DLGAP2: variants seen among roughly 807,000 people sequenced by gnomAD.
The protein encoded by DLGAP2 is disks large-associated protein 2.
DLGAP2 carries 26 observed loss-of-function variants against 100.3 expected under a neutral mutation model. That is an observed-to-expected ratio of 0.26 (90% CI 0.19 to 0.36). DLGAP2 has a LOEUF of 0.36. DLGAP2 is among the 10% of genes least tolerant of loss of function. The probability of loss-of-function intolerance (pLI) is 1.00; values close to 1 mark genes in which losing one functional copy is unlikely to be tolerated. For missense variants in DLGAP2, 1,858 were observed against 1,453.2 expected (o/e 1.28, Z -4.53); for synonymous variants, 886 against 630.1 (o/e 1.41, Z -6.08).
intron 1 of DLGAP2, among the ~76,000 whole-genome samples, chr8:818,521 C>T (rs1169296884): frequency 6.6e-6 from 1 of 152,208 alleles, no homozygotes; most frequent in African/African-American, 2.4e-5. Flanking sequence ...TTCCAAGGGT[C>T]TGTGGATTCT....
chr8:1,611,013 G>A (rs955867281), intron 6 of DLGAP2, among the ~76,000 whole-genome samples: 10 of 137,234 alleles, frequency 7.3e-5, no homozygotes, highest in Non-Finnish European at 1.4e-4. Context: ...AATAGAAAAA[G>A]AGGAAATCCT....
intron 1 of DLGAP2, among the ~76,000 whole-genome samples, chr8:746,948 T>G (rs1820631454): frequency 6.6e-6 from 1 of 152,120 alleles, no homozygotes; most frequent in Admixed American, 6.5e-5. Flanking sequence ...ACCTTTGCAG[T>G]AAGGAAACCT....
chr8:787,187 C>T (rs1821889622), intron 1 of DLGAP2, among the ~76,000 whole-genome samples: 2 of 152,216 alleles, frequency 1.3e-5, no homozygotes, highest in African/African-American at 4.8e-5. Context: ...CCAGCCTCAG[C>T]TGGTCCTTCC....
intron 4 of DLGAP2, 77 bp downstream of exon 4, chr8:1,501,508 G>A (rs1308011379): frequency 7.2e-6 from 10 of 1,383,850 alleles, no homozygotes; most frequent in African/African-American, 1.4e-5. Context: ...CCCATCATGC[G>A]GACCGTCCCA....
At chr8:1,256,828 C>T (rs761138340) in intron 2 of DLGAP2, among the ~76,000 whole-genome samples, 38 of 152,100 alleles carry the variant, frequency 2.5e-4, no homozygotes, top group Admixed American at 2.1e-3. Flanking sequence ...TGGGATGGCC[C>T]GAGTCTGAGC....
At chr8:1,155,984 C>T (rs1288273480) in intron 2 of DLGAP2, among the ~76,000 whole-genome samples, 1 of 152,062 alleles carries the variant, frequency 6.6e-6, no homozygotes, top group Non-Finnish European at 1.5e-5. Context: ...TGACGGAGTC[C>T]CCGTCGCAGA....
At chr8:947,639 G>A (rs994654017) in intron 2 of DLGAP2, among the ~76,000 whole-genome samples, 2 of 152,144 alleles carry the variant, frequency 1.3e-5, no homozygotes, top group Non-Finnish European at 2.9e-5. Context: ...CCACCTCCAC[G>A]CGCGGCGCTG....
intron 2 of DLGAP2, among the ~76,000 whole-genome samples, chr8:1,017,709 G>T (rs1801506923): frequency 6.6e-6 from 1 of 152,236 alleles, no homozygotes; most frequent in Non-Finnish European, 1.5e-5. Flanking sequence ...TCCATACCCA[G>T]GGCTGTAGAA....
Position 1,063,829 on chromosome 8 carries a change from G to A in DLGAP2, c.73+155863G>A, listed in dbSNP as rs140753385. Among the ~76,000 whole-genome samples the A allele has an allele frequency of 3.4e-3, 520 of 152,246 alleles. 2 individuals carry two copies. Among genetic ancestry groups the A allele is most frequent in the African/African-American group, 0.012 (499 of 41,560 alleles). On this transcript the variant is annotated intron_variant, in intron 2 of 14. Transcript: ENST00000637795. ...CCCAGAGCTCGGTGCCTCTCCACAC[G>A]GAGGTTTAGTGTTAAAATGGTGTCT...
At chr8:1,156,666 G>T (rs1304506295) in intron 2 of DLGAP2, among the ~76,000 whole-genome samples, 1 of 151,680 alleles carries the variant, frequency 6.6e-6, no homozygotes, top group African/African-American at 2.4e-5. Flanking sequence ...CAGCGCCCCA[G>T]CTTAGCGTCC....
At chr8:931,353 C>T (rs1051608642) in intron 2 of DLGAP2, among the ~76,000 whole-genome samples, 4 of 152,190 alleles carry the variant, frequency 2.6e-5, no homozygotes, top group Non-Finnish European at 4.4e-5. Context: ...GCGTTTCACG[C>T]GAGGGTGAGA....
At chr8:1,245,261 A>G (rs1183964309) in intron 2 of DLGAP2, among the ~76,000 whole-genome samples, 4 of 152,212 alleles carry the variant, frequency 2.6e-5, no homozygotes. Context: ...GAGAAATGAA[A>G]CATATGTCCA....
intron 1 of DLGAP2, among the ~76,000 whole-genome samples, chr8:869,750 G>A (rs971230713): frequency 6.6e-6 from 1 of 152,234 alleles, no homozygotes; most frequent in Non-Finnish European, 1.5e-5. Context: ...ATTTTGGCAA[G>A]CCTGTTTCCC....
intron 2 of DLGAP2, among the ~76,000 whole-genome samples, chr8:997,753 A>G (rs541720262): frequency 9.2e-5 from 14 of 152,352 alleles, no homozygotes; most frequent in South Asian, 6.2e-4. Context: ...TGAAAGTACT[A>G]TTCCTGCGTT....
chr8:1,352,445 G>A (rs941801270), intron 3 of DLGAP2, among the ~76,000 whole-genome samples: 8 of 152,070 alleles, frequency 5.3e-5, no homozygotes, highest in African/African-American at 2.4e-5. Flanking sequence ...CCCCTTCCTG[G>A]GGTCACCGCT....
chr8:1,012,022 CAGA>C (rs949726804), intron 2 of DLGAP2, among the ~76,000 whole-genome samples: 2 of 152,316 alleles, frequency 1.3e-5, no homozygotes, highest in Non-Finnish European at 2.9e-5. Flanking sequence ...ATGGCTTTCA[CAGA>C]AGATGTTTTA....
intron 3 of DLGAP2, among the ~76,000 whole-genome samples, chr8:1,423,087 A>T (rs1281592456): frequency 6.6e-6 from 1 of 152,254 alleles, no homozygotes; most frequent in East Asian, 1.9e-4. Context: ...ACAACAGTGT[A>T]GACAAGTGGA....
At chr8:1,301,576 G>C (rs1385507838) in intron 3 of DLGAP2, 2 of 152,288 alleles carry the variant, frequency 1.3e-5, no homozygotes, top group African/African-American at 4.8e-5. Flanking sequence ...TGATGGTCCC[G>C]ATCCTGCCTG....
chr8:1,202,415 C>T (rs1797899304), intron 2 of DLGAP2, among the ~76,000 whole-genome samples: 1 of 151,970 alleles, frequency 6.6e-6, no homozygotes, highest in South Asian at 2.1e-4. Flanking sequence ...CGTGTGTGAG[C>T]CCTCAGGACT....
Sources: allele counts gnomAD v4.1 joint callset (sites outside exome capture counted in the v4.1 genomes callset), GRCh38; gene constraint gnomAD v4.1.1; transcripts MANE v1.5; gene names NCBI Gene and HGNC (gene_info 2026-07-23, HGNC 2026-07-21).